Variants in PAX3 observed in about 807,000 individuals in gnomAD.
PAX3 encodes the protein paired box 3, also known as paired box protein Pax-3.
PAX3 carries 14 observed loss-of-function variants against 51.6 expected under a neutral mutation model. The observed-to-expected ratio is 0.27, with a 90% confidence interval of 0.18 to 0.42. The LOEUF is 0.42. Among genes scored for constraint, PAX3 ranks in the 10% least tolerant of loss-of-function variants. PAX3 has a pLI of 1.00. For synonymous variants in PAX3, 280 were observed against 253.4 expected (o/e 1.11, Z -1.00); for missense variants, 540 against 642.8 (o/e 0.84, Z 1.73).
At chr2:222,245,810 A>G (rs1693206682) in intron 4 of PAX3, among the ~76,000 whole-genome samples, 1 of 102,208 alleles carries the variant, frequency 9.8e-6, no homozygotes, top group African/African-American at 3.5e-5. Flanking sequence ...TCTCTACTAA[A>G]AATACAAAAA....
intron 4 of PAX3, among the ~76,000 whole-genome samples, chr2:222,276,597 C>T (rs1189346163): frequency 6.6e-6 from 1 of 152,208 alleles, no homozygotes; most frequent in Non-Finnish European, 1.5e-5. Context: ...GTGGCCTTCA[C>T]CTCGCCCAGA....
chr2:222,210,575 A>C (rs2106050501), intron 7 of PAX3, among the ~76,000 whole-genome samples: 2 of 152,296 alleles, frequency 1.3e-5, no homozygotes, highest in East Asian at 3.9e-4. Flanking sequence ...CCATGGAATA[A>C]AGGGTTGACT....
intron 4 of PAX3, among the ~76,000 whole-genome samples, chr2:222,234,004 C>T (rs1692706756): frequency 6.6e-6 from 1 of 152,104 alleles, no homozygotes; most frequent in Admixed American, 6.6e-5. Context: ...TAACTCTGCC[C>T]TACAGAAATC....
chr2:222,233,079 C>CAAAAAAAAAAAA, intron 4 of PAX3: 1 of 67,946 alleles, frequency 1.5e-5, no homozygotes, highest in Non-Finnish European at 2.4e-5. Flanking sequence ...AAAGCCAATG[C>CAAAAAAAAAAAA]AAAAAAAAAA....
At chr2:222,255,808 G>A (rs1693616582) in intron 4 of PAX3, among the ~76,000 whole-genome samples, 1 of 142,848 alleles carries the variant, frequency 7.0e-6, no homozygotes. Context: ...TTGAGACAGA[G>A]TCTCACTCTG....
intron 4 of PAX3, among the ~76,000 whole-genome samples, chr2:222,278,900 C>T (rs1389635257): frequency 6.6e-6 from 1 of 152,194 alleles, no homozygotes; most frequent in African/African-American, 2.4e-5. Context: ...TTCCATTTAA[C>T]CAGTTAAAGG....
At chr2:222,210,284 C>T (rs1035282657) in intron 7 of PAX3, among the ~76,000 whole-genome samples, 2 of 152,144 alleles carry the variant, frequency 1.3e-5, no homozygotes, top group Admixed American at 1.3e-4. Context: ...CTCAAAATCA[C>T]TTAGATTGTC....
chr2:222,214,401 T>C, intron 7 of PAX3: 1 of 152,262 alleles, frequency 6.6e-6, no homozygotes, highest in Non-Finnish European at 1.5e-5. Context: ...ACACTAATAA[T>C]CTCAATTTTA....
chr2:222,266,530 A>G (rs1467243632), intron 4 of PAX3, among the ~76,000 whole-genome samples: 1 of 152,088 alleles, frequency 6.6e-6, no homozygotes, highest in South Asian at 2.1e-4. Flanking sequence ...GCACAAGCCA[A>G]TCACATAGTG....
intron 4 of PAX3, among the ~76,000 whole-genome samples, chr2:222,272,459 G>A (rs1694288291): frequency 1.3e-5 from 2 of 152,116 alleles, no homozygotes; most frequent in African/African-American, 4.8e-5. Context: ...ATAATTTTGG[G>A]GAAGACTTTG....
chr2:222,220,502 G>T (rs987029491), intron 6 of PAX3, 148 bp from the exon 7 acceptor site: 1 of 750,462 alleles, frequency 1.3e-6, no homozygotes. Flanking sequence ...TAACCTGCAG[G>T]TGTAGAATCA....
intron 4 of PAX3, among the ~76,000 whole-genome samples, chr2:222,276,321 C>G (rs928347874): frequency 1.3e-5 from 2 of 152,240 alleles, no homozygotes; most frequent in African/African-American, 4.8e-5. Context: ...ACCTGTGATA[C>G]TGCACAGAAA....
chr2:222,263,116 A>C (rs975637907), intron 4 of PAX3: 1 of 152,190 alleles, frequency 6.6e-6, no homozygotes, highest in African/African-American at 2.4e-5. Context: ...GACAAATTGG[A>C]CTTCATCAAA....
chr2:222,298,294 C>T (rs1480671974), intron 1 of PAX3: 2 of 556,954 alleles, frequency 3.6e-6, no homozygotes, highest in Middle Eastern at 4.8e-4. Flanking sequence ...CAAGTCTCCC[C>T]GGCTCGCCGC....
intron 4 of PAX3, among the ~76,000 whole-genome samples, chr2:222,275,820 C>T (rs1368942184): frequency 6.6e-6 from 1 of 152,170 alleles, no homozygotes; most frequent in Non-Finnish European, 1.5e-5. Context: ...TGAGTTTTCT[C>T]TGAAACTCTG....
At chr2:222,295,953 C>A (rs1695273912) in intron 2 of PAX3, among the ~76,000 whole-genome samples, 1 of 152,134 alleles carries the variant, frequency 6.6e-6, no homozygotes, top group South Asian at 2.1e-4. Flanking sequence ...TGGGGTTATA[C>A]TTTCTCATCC....
intron 4 of PAX3, among the ~76,000 whole-genome samples, chr2:222,271,365 C>T (rs1162043028): frequency 6.6e-6 from 1 of 152,146 alleles, no homozygotes; most frequent in Non-Finnish European, 1.5e-5. Flanking sequence ...GTTTGGAACA[C>T]ATATTGCAAT....
intron 7 of PAX3, among the ~76,000 whole-genome samples, chr2:222,204,364 G>C (rs1691424600): frequency 6.6e-6 from 1 of 152,138 alleles, no homozygotes; most frequent in African/African-American, 2.4e-5. Flanking sequence ...CATCTATATG[G>C]GTTCTTTTTG....
rs748339240 is a variant in PAX3, at chr2:222,216,890, C to T, written c.1173+3250G>A. On this transcript the variant is annotated intron_variant, in intron 7 of 8. Coordinates refer to ENST00000392070, the MANE Select transcript of PAX3 (RefSeq NM_181458.4). The stretch of plus-strand genomic sequence containing the variant: ...ATTTCAATGGCTCTAGGGAAAAAGT[C>T]GAATAAAATGCAGAAATATTTTTAA... 2.6e-5 allele frequency among the ~76,000 whole-genome samples: 4 copies of T among 152,046 alleles called. No homozygotes were observed. In the South Asian group the frequency reaches 6.2e-4, roughly 24 times the overall value.
Sources: allele counts gnomAD v4.1 joint callset (sites outside exome capture counted in the v4.1 genomes callset), GRCh38; gene constraint gnomAD v4.1.1; transcripts MANE v1.5; gene names NCBI Gene and HGNC (gene_info 2026-07-23, HGNC 2026-07-21).